Variants in DNAH17 observed in about 807,000 individuals in gnomAD.
DNAH17 encodes dynein axonemal heavy chain 17, also known as axonemal beta dynein heavy chain 17.
Under a neutral mutation model 485.6 loss-of-function variants are expected in DNAH17, and 376 were observed. The observed-to-expected ratio is 0.77, with a 90% confidence interval of 0.71 to 0.84. DNAH17 has a LOEUF of 0.84. Among genes scored for constraint, DNAH17 ranks in the 40% least tolerant of loss-of-function variants. The pLI is 0.00. For synonymous variants in DNAH17, 3,031 were observed against 2,405.9 expected (o/e 1.26, Z -7.60); for missense variants, 6,370 against 5,839.3 (o/e 1.09, Z -2.96).
intron 25 of DNAH17, among the ~76,000 whole-genome samples, chr17:78,517,500 C>T (rs1046242095): frequency 6.6e-6 from 1 of 152,230 alleles, no homozygotes; most frequent in African/African-American, 2.4e-5. Context: ...TGCTTGGAGT[C>T]CAGCCTCCCT....
chr17:78,537,527 A>T, intron 18 of DNAH17, 46 bp from the exon 19 acceptor site: 1 of 1,595,368 alleles, frequency 6.3e-7, no homozygotes, highest in Non-Finnish European at 8.6e-7. Context: ...TCTGTCCTCC[A>T]TCGGATGATT....
intron 79 of DNAH17, 58 bp downstream of exon 79, chr17:78,426,399 A>G: frequency 6.6e-7 from 1 of 1,506,904 alleles, no homozygotes. Flanking sequence ...GGGTGTGCCG[A>G]GCTCTGGGCA....
chr17:78,514,033 T>C (rs2090709077), intron 26 of DNAH17, among the ~76,000 whole-genome samples: 1 of 152,064 alleles, frequency 6.6e-6, no homozygotes, highest in Admixed American at 6.6e-5. Context: ...TACTGTGGGA[T>C]ATTCCTGGAA....
At chr17:78,510,218 C>T (rs1211742982) in intron 27 of DNAH17, among the ~76,000 whole-genome samples, 166 bp downstream of exon 27, 2 of 152,098 alleles carry the variant, frequency 1.3e-5, no homozygotes, top group Admixed American at 1.3e-4. Context: ...CAAATAGATT[C>T]CAGAATTATT....
Position 78,494,791 on chromosome 17 carries a change from G to A in DNAH17, c.6072C>T (p.Ile2024=), listed in dbSNP as rs773666728. 1.3e-5 allele frequency: 21 copies of A among 1,611,748 alleles called. No homozygotes were observed. Among genetic ancestry groups the A allele is most frequent in the Admixed American group, 6.7e-5 (4 of 59,896 alleles). Residue 2024 remains isoleucine (I), a synonymous_variant, in exon 40 of 81, where the codon ATC becomes ATT. Coordinates refer to ENST00000389840, the MANE Select transcript of DNAH17 (RefSeq NM_173628.4). The part of the protein sequence containing the change: ...QDHYDWGLRA[I]KSVLVVAGSL... Reference sequence around the variant, plus strand: ...AGCCGGCCACCACCAGCACAGACTTGATGGCTCTCAGGCCCCAGTCGTAAT... The same window carrying A: ...AGCCGGCCACCACCAGCACAGACTTAATGGCTCTCAGGCCCCAGTCGTAAT...
Position 78,437,321 on chromosome 17 carries a change from C to T in DNAH17, c.12033+320G>A, listed in dbSNP as rs189889188. On this transcript the variant is annotated intron_variant, in intron 74 of 80. Coordinates refer to ENST00000389840, the MANE Select transcript of DNAH17 (RefSeq NM_173628.4). The stretch of plus-strand genomic sequence containing the variant: ...CCCCATTTCCAAGGACCAGTCATGA[C>T]GTGTTCCATGCTCTTTAAACACAAT... Among the ~76,000 whole-genome samples the T allele has an allele frequency of 2.7e-3, 417 of 152,324 alleles. 1 individual carries two copies. Among genetic ancestry groups the T allele is most frequent in the Non-Finnish European group, 4.7e-3 (323 of 68,034 alleles).
At position 78,466,091 on chromosome 17, in the gene DNAH17, ACTT is replaced by A. The variant is rs1192065330; in HGVS notation, c.8940+561_8940+563del. ...TTTCATTTTGTTCTGTACTAAGAAA[ACTT>A]CTTCTGCCTTGGGATCCTGTTGATC... On this transcript the variant is annotated intron_variant, in intron 56 of 80. Transcript: ENST00000389840. Among the ~76,000 whole-genome samples, 346 of 152,098 alleles carry A rather than the reference ACTT, an allele frequency of 2.3e-3. 1 individual carries two copies. The highest frequency in any genetic ancestry group is 0.01 in the East Asian group (52 of 5,184).
At chr17:78,541,607 C>T (rs1306758233) in intron 17 of DNAH17, among the ~76,000 whole-genome samples, 6 of 151,926 alleles carry the variant, frequency 3.9e-5, no homozygotes, top group South Asian at 4.1e-4. Flanking sequence ...CAGAGTTGTG[C>T]ACAAGAGACA....
Position 78,423,897 on chromosome 17 carries a change from A to C in DNAH17, c.*9T>G, listed in dbSNP as rs748666814. On this transcript the variant is annotated 3_prime_UTR_variant, in exon 81 of 81. Coordinates refer to ENST00000389840, the MANE Select transcript of DNAH17 (RefSeq NM_173628.4). ...CCCCAGGGAGTGTGGGCTGTGAGGC[A>C]GGAGCGAGCTAAACCTGTAGGAGCA... The C allele has an allele frequency of 1.4e-5, 23 of 1,613,602 alleles. No homozygotes were observed. Among genetic ancestry groups the C allele is most frequent in the Middle Eastern group, 1.6e-4 (1 of 6,082 alleles).
chr17:78,517,998 GAAAACTATAT>G (rs1305664486), intron 25 of DNAH17, among the ~76,000 whole-genome samples: 1 of 152,158 alleles, frequency 6.6e-6, no homozygotes, highest in Admixed American at 6.5e-5. Flanking sequence ...CAGCCACTAA[GAAAACTATAT>G]AAAGCGCTAT....
intron 41 of DNAH17, among the ~76,000 whole-genome samples, chr17:78,493,448 A>T (rs2089946399): frequency 6.6e-6 from 1 of 152,254 alleles, no homozygotes; most frequent in Non-Finnish European, 1.5e-5. Context: ...AAGGAGCTTT[A>T]AAGACACGGT....
In DNAH17 at chr17:78,425,547, A is replaced by G. The variant is rs748332522; in HGVS notation, c.12940T>C (p.Phe4314Leu). The G allele has an allele frequency of 6.2e-7, 1 of 1,612,678 alleles. No homozygotes were observed. The highest frequency in any genetic ancestry group is 8.5e-7 in the Non-Finnish European group (1 of 1,179,290). ...IRELEAWTTD[F>L]ALPTTVWLAG... The stretch of plus-strand genomic sequence containing the variant: ...AGCCACACGGTGGTGGGCAGGGCAA[A>G]GTCTGTCGTCCAGGCCTCGAGTTCC... Residue 4314 changes from phenylalanine to leucine, a missense_variant, in exon 80 of 81, where the codon TTT (phenylalanine) becomes CTT (leucine). Transcript: ENST00000389840.
chr17:78,540,232 G>A (rs2091485433), intron 17 of DNAH17, among the ~76,000 whole-genome samples: 1 of 149,812 alleles, frequency 6.7e-6, no homozygotes, highest in Non-Finnish European at 1.5e-5. Flanking sequence ...TCTTTGGTCT[G>A]CATGCCCTTT....
intron 37 of DNAH17, chr17:78,498,796 C>A (rs1191470764): frequency 2.3e-6 from 1 of 428,834 alleles, no homozygotes; most frequent in South Asian, 5.7e-5. Context: ...TGCTACCATA[C>A]ATGTAACCTG....
At chr17:78,568,791 G>A (rs768101903) in intron 9 of DNAH17, among the ~76,000 whole-genome samples, 6 of 152,272 alleles carry the variant, frequency 3.9e-5, no homozygotes, top group South Asian at 2.1e-4. Flanking sequence ...GCGTCACTCC[G>A]TGTATCCACA....
chr17:78,485,756 G>A lies in DNAH17; in HGVS notation c.7277C>T (p.Ala2426Val). The change falls in exon 47 of 81, where the codon GCC becomes GTC. Residue 2426 changes from alanine to valine, a missense_variant and splice_region_variant. Coordinates refer to ENST00000389840, the MANE Select transcript of DNAH17 (RefSeq NM_173628.4). ...GGTTTCCGTGGTGTGGACCAAAGAG[G>A]CCTGGGGCAGGGGAGGGAAGGGGAG... ...FELDPDVPLQASLVHTTETIR... is the reference protein window; with the variant it reads ...FELDPDVPLQVSLVHTTETIR... The A allele has an allele frequency of 1.2e-6, 2 of 1,613,536 alleles. No individual in the cohort carries two copies. Among genetic ancestry groups the A allele is most frequent in the Non-Finnish European group, 1.7e-6 (2 of 1,179,664 alleles).
Position 78,463,085 on chromosome 17 carries a change from G to C in DNAH17, c.8941-8C>G, listed in dbSNP as rs760616478. On this transcript the variant is annotated splice_region_variant and splice_polypyrimidine_tract_variant and intron_variant, in intron 56 of 80. Transcript: ENST00000389840. ...GGAGGCCTTGACTTCCCACTACAAAGATGAGACAGCCAGTCATCCCTGGGA... is the reference window on the plus strand; with the variant it reads ...GGAGGCCTTGACTTCCCACTACAAACATGAGACAGCCAGTCATCCCTGGGA... 10 of 1,612,654 alleles carry C rather than the reference G, an allele frequency of 6.2e-6. No homozygotes were observed. In the Middle Eastern group the frequency reaches 1.3e-3, roughly 213 times the overall value.
At chr17:78,445,786 G>GCC in intron 69 of DNAH17, 106 bp from the exon 70 acceptor site, 1 of 1,308,296 alleles carries the variant, frequency 7.6e-7, no homozygotes, top group Non-Finnish European at 1.1e-6. Context: ...CGGCCTGCAG[G>GCC]GGGCGCCCTG....
chr17:78,491,321 A>G, intron 43 of DNAH17, 122 bp downstream of exon 43: 1 of 1,398,228 alleles, frequency 7.2e-7, no homozygotes, highest in South Asian at 1.4e-5. Context: ...GTGGAGATCC[A>G]GACACGCCAC....
Sources: gnomAD v4.1 joint callset for allele counts (sites outside exome capture counted in the v4.1 genomes callset) on GRCh38, gnomAD v4.1.1 for gene constraint, MANE v1.5 for transcripts, NCBI Gene and HGNC (gene_info 2026-07-23, HGNC 2026-07-21) for gene names.